PTPRD: variants seen among roughly 807,000 people sequenced by gnomAD.
PTPRD encodes the protein receptor-type tyrosine-protein phosphatase delta.
In PTPRD, 34 loss-of-function variants were observed where a neutral mutation model predicts 214.5. The observed-to-expected ratio is 0.16, with a 90% CI of 0.12 to 0.21. The LOEUF (loss-of-function observed/expected upper bound fraction) is 0.21, where lower values mean the gene tolerates loss of function less well. Ranked by LOEUF, PTPRD falls within the 10% of genes least tolerant of loss-of-function variation. PTPRD has a pLI of 1.00. For missense variants in PTPRD, 2,545 were observed against 2,398.7 expected, an observed-to-expected ratio of 1.06 and a Z score of -1.27; for synonymous variants, 1,128 against 845.7, an observed-to-expected ratio of 1.33 and a Z score of -5.79.
chr9:10,526,895 T>A (rs2054458207), intron 2 of PTPRD, among the ~76,000 whole-genome samples: 1 of 152,114 alleles, frequency 6.6e-6, no homozygotes, highest in Admixed American at 6.6e-5. Context: ...AAAGCTTCAT[T>A]ATCTATGTGT....
intron 9 of PTPRD, among the ~76,000 whole-genome samples, chr9:9,333,642 G>T (rs2136758026): frequency 6.6e-6 from 1 of 151,328 alleles, no homozygotes; most frequent in African/African-American, 2.4e-5. Flanking sequence ...ACTTATTCCA[G>T]CTGTATGACT....
At chr9:9,415,211 T>C (rs2076637306) in intron 8 of PTPRD, among the ~76,000 whole-genome samples, 1 of 152,026 alleles carries the variant, frequency 6.6e-6, no homozygotes, top group Non-Finnish European at 1.5e-5. Context: ...AAAAGACCTC[T>C]CTTCCTGTAA....
At chr9:8,481,161 A>T (rs1218331252) in intron 30 of PTPRD, among the ~76,000 whole-genome samples, 1 of 151,254 alleles carries the variant, frequency 6.6e-6, no homozygotes, top group Non-Finnish European at 1.5e-5. Flanking sequence ...AAAAAAAAAA[A>T]AAAAATAAGA....
chr9:8,571,809 C>T (rs536523475), intron 14 of PTPRD, among the ~76,000 whole-genome samples: 10 of 152,126 alleles, frequency 6.6e-5, no homozygotes, highest in East Asian at 3.9e-4. Context: ...CCTGGAGCTG[C>T]GGAAATTGCC....
intron 5 of PTPRD, among the ~76,000 whole-genome samples, chr9:9,795,131 T>C (rs1414889162): frequency 6.6e-6 from 1 of 152,206 alleles, no homozygotes. Flanking sequence ...CTATGTATAG[T>C]TAAGGCTCCT....
chr9:8,975,493 G>T (rs2099263315), intron 11 of PTPRD, among the ~76,000 whole-genome samples: 1 of 151,866 alleles, frequency 6.6e-6, no homozygotes, highest in Non-Finnish European at 1.5e-5. Context: ...TAATTACATG[G>T]TATATAGTAA....
intron 2 of PTPRD, among the ~76,000 whole-genome samples, chr9:10,553,302 G>C (rs539649310): frequency 3.0e-4 from 46 of 151,566 alleles, no homozygotes; most frequent in African/African-American, 1.1e-3. Flanking sequence ...TTGTGATTAT[G>C]CTTGAGATGG....
chr9:10,512,034 A>G (rs1293877903), intron 2 of PTPRD, among the ~76,000 whole-genome samples: 21 of 141,480 alleles, frequency 1.5e-4, no homozygotes, highest in East Asian at 6.1e-4. Flanking sequence ...ATATATGTAT[A>G]TATATATATA....
chr9:10,206,110 C>CAA (rs111832856), intron 3 of PTPRD, among the ~76,000 whole-genome samples: 1 of 134,578 alleles, frequency 7.4e-6, no homozygotes, highest in Non-Finnish European at 1.6e-5. Flanking sequence ...AATTGTATCT[C>CAA]AAAAAAAAAA....
chr9:10,271,919 T>C (rs1008695727), intron 3 of PTPRD, among the ~76,000 whole-genome samples: 1 of 152,186 alleles, frequency 6.6e-6, no homozygotes, highest in Non-Finnish European at 1.5e-5. Context: ...TGAATTCTCT[T>C]CCAGTCTATT....
intron 11 of PTPRD, among the ~76,000 whole-genome samples, chr9:8,984,686 T>G (rs2099330302): frequency 6.6e-6 from 1 of 152,134 alleles, no homozygotes; most frequent in Non-Finnish European, 1.5e-5. Flanking sequence ...AGAAGTCATC[T>G]GCAGCCTTGA....
In PTPRD at chr9:9,985,402, C is replaced by T. The variant is rs143934328; in HGVS notation, c.-471-46792G>A. ...ACCTCTCCATTCTTTGAACTGTAGCCATTACTACTCTGCCAGATATGCTGT... is the reference window on the plus strand; with the variant it reads ...ACCTCTCCATTCTTTGAACTGTAGCTATTACTACTCTGCCAGATATGCTGT... On this transcript the variant is annotated intron_variant, in intron 4 of 45. Transcript: ENST00000381196. Among the ~76,000 whole-genome samples, 23 of 152,220 alleles carry T rather than the reference C, an allele frequency of 1.5e-4. No individual in the cohort carries two copies. The East Asian group carries it at 4.0e-3, about 27-fold the overall frequency.
chr9:9,743,122 G>A (rs570688526), intron 6 of PTPRD, among the ~76,000 whole-genome samples: 1 of 152,150 alleles, frequency 6.6e-6, no homozygotes, highest in South Asian at 2.1e-4. Flanking sequence ...ACATCCCCCT[G>A]CAATGGCTCA....
chr9:8,589,484 G>T (rs533319629), intron 14 of PTPRD, among the ~76,000 whole-genome samples: 3 of 152,072 alleles, frequency 2.0e-5, no homozygotes, highest in African/African-American at 7.2e-5. Context: ...AAACATGGAA[G>T]AAAAAATATG....
intron 2 of PTPRD, among the ~76,000 whole-genome samples, chr9:10,535,172 G>A (rs977205921): frequency 1.3e-5 from 2 of 151,978 alleles, no homozygotes; most frequent in African/African-American, 4.8e-5. Context: ...AACCCCAAGG[G>A]ACCATTTATC....
chr9:10,075,442 T>C (rs1326499934), intron 3 of PTPRD, among the ~76,000 whole-genome samples: 1 of 152,034 alleles, frequency 6.6e-6, no homozygotes, highest in African/African-American at 2.4e-5. Context: ...TCTCATCTTG[T>C]TATTGATATA....
intron 10 of PTPRD, among the ~76,000 whole-genome samples, chr9:9,027,927 A>C (rs535765237): frequency 9.4e-4 from 143 of 152,084 alleles, no homozygotes; most frequent in Non-Finnish European, 1.5e-3. Flanking sequence ...CCCTGTGATG[A>C]AAAACATATT....
intron 11 of PTPRD, among the ~76,000 whole-genome samples, chr9:8,794,068 T>C (rs1053649586): frequency 6.6e-6 from 1 of 152,182 alleles, no homozygotes; most frequent in African/African-American, 2.4e-5. Context: ...TGCATTACAG[T>C]GCAGCAGCCT....
At chr9:8,574,527 C>T (rs2091948025) in intron 14 of PTPRD, among the ~76,000 whole-genome samples, 1 of 152,016 alleles carries the variant, frequency 6.6e-6, no homozygotes, top group Admixed American at 6.6e-5. Context: ...AGCTGGAAAA[C>T]ACCTAGGTGG....
Sources: gnomAD v4.1 joint callset for allele counts (sites outside exome capture counted in the v4.1 genomes callset) on GRCh38, gnomAD v4.1.1 for gene constraint, MANE v1.5 for transcripts, NCBI Gene and HGNC (gene_info 2026-07-23, HGNC 2026-07-21) for gene names.